Variants in DDX39B observed in about 807,000 individuals in gnomAD.
The protein encoded by DDX39B is DExD-box helicase 39B.
Under a neutral mutation model 46.4 loss-of-function variants are expected in DDX39B, and 6 were observed. That is an observed-to-expected ratio of 0.13 (90% CI 0.07 to 0.26). The LOEUF (loss-of-function observed/expected upper bound fraction) is 0.26. Among genes scored for constraint, DDX39B ranks in the 10% least tolerant of loss-of-function variants. The pLI is 1.00. For synonymous variants in DDX39B, 174 were observed against 199.4 expected (o/e 0.87, Z 1.07); for missense variants, 185 against 553.4 (o/e 0.33, Z 6.68).
rs755961309 is a variant in DDX39B, at chr6:31,531,410, TGTGGG to T, written c.868-10_868-6del. 1.2e-6 allele frequency: 2 copies of T among 1,612,788 alleles called. No homozygotes were observed. Among genetic ancestry groups the T allele is most frequent in the African/African-American group, 1.3e-5 (1 of 74,804 alleles). ...AGACTTCACAAAGATCACCACCTGT[TGTGGG>T]GTGGGGTGGGGGGTCGCAAATTGGG... On this transcript the variant is annotated splice_region_variant and splice_polypyrimidine_tract_variant and intron_variant, in intron 7 of 10. Transcript: ENST00000396172. This position sits in a 1 kb window ranked among gnomAD's most constrained non-coding sequence, Gnocchi z 5.8.
Position 31,536,985 on chromosome 6 carries a change from T to C in DDX39B, c.433-302A>G, listed in dbSNP as rs565429106. Among the ~76,000 whole-genome samples the C allele has an allele frequency of 3.0e-3, 462 of 152,226 alleles. 4 individuals carry two copies. Among genetic ancestry groups the C allele is most frequent in the African/African-American group, 0.011 (438 of 41,528 alleles). On this transcript the variant is annotated intron_variant, in intron 4 of 10. Transcript: ENST00000396172. ...TAAAAAATAAAGGAGCCAGGTGTGG[T>C]GGCACACGCCTATAATTCCAGCTAC...
chr6:31,540,615 G>A lies in DDX39B; in HGVS notation c.-83C>T. 2.3e-6 allele frequency: 3 copies of A among 1,308,306 alleles called. No individual in the cohort carries two copies. Among genetic ancestry groups the A allele is most frequent in the Non-Finnish European group, 3.3e-6 (3 of 922,362 alleles). The allele number at this position is 1,308,306 out of a possible 1,614,324, so 81.0% of individuals were successfully genotyped here. A position where few individuals can be genotyped will look rare whatever the true frequency, so the allele number is the denominator to read the frequency against. On this transcript the variant is annotated 5_prime_UTR_variant, in exon 2 of 11. Transcript: ENST00000396172. ...GTGAAAACAAGGGGTGAAGAGTAGG[G>A]GATTGAGGAACAGCAAAGGAAAACA...
intron 1 of DDX39B, chr6:31,541,123 A>G (rs1307734467): frequency 1.9e-6 from 1 of 533,714 alleles, no homozygotes; most frequent in South Asian, 1.4e-5. Context: ...AGGGTGATAG[A>G]TGAGGGTCAT....
chr6:31,530,559 G>A lies in DDX39B; in HGVS notation c.1271-109C>T. On this transcript the variant is annotated intron_variant, in intron 10 of 10. Transcript: ENST00000396172. This position sits in a 1 kb window ranked among gnomAD's most constrained non-coding sequence, Gnocchi z 4.5. ...GGTGTACTGCCTGGGTTCAGAGGAC[G>A]GACGTGGGGGTGAGGGAAGGGATGT... The A allele has an allele frequency of 6.1e-6, 9 of 1,476,698 alleles. No homozygotes were observed. Among genetic ancestry groups the A allele is most frequent in the East Asian group, 2.3e-5 (1 of 43,936 alleles). 91.5% of individuals were successfully genotyped at this position (1,476,698 alleles called of 1,614,324 possible).
rs1767688618 is a variant in DDX39B, at chr6:31,535,506, A to T, written c.617-21T>A. The T allele has an allele frequency of 1.3e-6, 2 of 1,592,870 alleles. No homozygotes were observed. Among genetic ancestry groups the T allele is most frequent in the African/African-American group, 1.3e-5 (1 of 74,610 alleles). On this transcript the variant is annotated intron_variant, in intron 5 of 10. Transcript: ENST00000396172. The surrounding 1 kb of genome is among the most constrained non-coding windows in gnomAD (Gnocchi z 4.6). ...CATGTCTACAAGAACAAGGAAAAAA[A>T]TTGTAGGAGAAAATAAGCAGGTATG...
In DDX39B at chr6:31,530,675, G is replaced by A; in HGVS notation, c.1270+104C>T. 1 of 1,477,624 alleles carries A rather than the reference G, an allele frequency of 6.8e-7. No homozygotes were observed. 91.5% of individuals were successfully genotyped at this position (1,477,624 alleles called of 1,614,324 possible). A position where few individuals can be genotyped will look rare whatever the true frequency, so the allele number is the denominator to read the frequency against. On this transcript the variant is annotated intron_variant, in intron 10 of 10. Coordinates refer to ENST00000396172, the MANE Select transcript of DDX39B (RefSeq NM_004640.7). The surrounding 1 kb of genome is among the most constrained non-coding windows in gnomAD (Gnocchi z 4.5). ...AGACCAGGGGGCATGAACCAGTCAA[G>A]TGTCCATTATGCATCAGATGCCCAT...
Position 31,530,994 on chromosome 6 carries a change from T to G in DDX39B, c.1122+59A>C, listed in dbSNP as rs1170416833. The G allele has an allele frequency of 1.9e-6, 3 of 1,613,276 alleles. No homozygotes were observed. Among genetic ancestry groups the G allele is most frequent in the African/African-American group, 2.7e-5 (2 of 74,874 alleles). On this transcript the variant is annotated intron_variant, in intron 9 of 10. Transcript: ENST00000396172. The surrounding 1 kb of genome is among the most constrained non-coding windows in gnomAD (Gnocchi z 4.5). ...AGAGACCCAGAGGCAGGAATGAAGA[T>G]GTACAAACAGAAAACAAGGGAATGG...
At chr6:31,533,127 C>T in intron 6 of DDX39B, 1 of 469,128 alleles carries the variant, frequency 2.1e-6, no homozygotes, top group South Asian at 2.1e-5. Context: ...AGTTTTAAGA[C>T]TGCCCAACTA....
chr6:31,540,976 G>A (rs1451966126), intron 1 of DDX39B: 4 of 423,268 alleles, frequency 9.5e-6, no homozygotes, highest in Admixed American at 2.8e-5. Context: ...ATAATAAAAG[G>A]TAAAATACGA....
Position 31,538,766 on chromosome 6 carries a change from G to A in DDX39B, c.429C>T (p.Val143=), listed in dbSNP as rs1279395958. The change falls in exon 4 of 11, where the codon GTC becomes GTT. Residue 143 remains valine, a synonymous_variant. Transcript: ENST00000396172. ...AGGTCTCTTTACCTTGGCTTACCTT[G>A]ACATTGGGCATGTATTTAGAGAAGC... ...YERFSKYMPN[V]KVAVFFGGLS... 2.5e-6 allele frequency: 4 copies of A among 1,612,232 alleles called. No individual in the cohort carries two copies. The African/African-American group carries it at 4.0e-5, about 16-fold the overall frequency.
rs145191873 is a variant in DDX39B at position 31,535,327 on chromosome 6, G to A, written c.735+40C>T. On this transcript the variant is annotated intron_variant, in intron 6 of 10. Transcript: ENST00000396172. The surrounding 1 kb of genome is among the most constrained non-coding windows in gnomAD (Gnocchi z 4.6). ...AGGGCGAGGAAGGGGAGGAGGCAGC[G>A]GGCGGGGAGTGGAGGGAGAGAAGGT... is the stretch of plus-strand genomic sequence containing the variant. 1.1e-4 allele frequency: 177 copies of A among 1,582,080 alleles called. 1 individual carries two copies. In the East Asian group the frequency reaches 2.2e-3, roughly 20 times the overall value.
In DDX39B at chr6:31,530,702, A is replaced by G; in HGVS notation, c.1270+77T>C. ...GTCCATTATGCATCAGATGCCCATG[A>G]CCTATGTGATGGGATTTCGGACAAA... On this transcript the variant is annotated intron_variant, in intron 10 of 10. Transcript: ENST00000396172. The surrounding 1 kb of genome is among the most constrained non-coding windows in gnomAD (Gnocchi z 4.5). The G allele has an allele frequency of 3.8e-6, 6 of 1,559,384 alleles. No homozygotes were observed. Among genetic ancestry groups the G allele is most frequent in the Non-Finnish European group, 5.2e-6 (6 of 1,146,732 alleles).
At position 31,541,460 on chromosome 6, in the gene DDX39B, C is replaced by T. The variant is rs1006906438; in HGVS notation, c.-133+490G>A. 4.5e-5 allele frequency: 17 copies of T among 375,032 alleles called. No individual in the cohort carries two copies. The East Asian group carries it at 1.2e-3, about 28-fold the overall frequency. 23.2% of individuals were successfully genotyped at this position (375,032 alleles called of 1,614,324 possible). A position where few individuals can be genotyped will look rare whatever the true frequency, so the allele number is the denominator to read the frequency against. On this transcript the variant is annotated intron_variant, in intron 1 of 10. Transcript: ENST00000396172. ...CTCCTTTTGGAGAAACATACAATGA[C>T]ACCAATCGTATCGTAAACACTTGGA...
At chr6:31,533,246 AGAT>A (rs2150329996) in intron 6 of DDX39B, 1 of 273,326 alleles carries the variant, frequency 3.7e-6, no homozygotes, top group African/African-American at 2.3e-5. Context: ...AGAAAATGGG[AGAT>A]GATTCTCAAA....
chr6:31,539,090 A>G, intron 3 of DDX39B, 57 bp downstream of exon 3: 3 of 1,613,132 alleles, frequency 1.9e-6, no homozygotes, highest in Admixed American at 1.7e-5. Context: ...GGACAAAAAC[A>G]CCCTTCCCTT....
Position 31,531,376 on chromosome 6 carries a change from C to A in DDX39B, c.897G>T (p.Arg299=), listed in dbSNP as rs752481926. 9 of 1,614,122 alleles carry A rather than the reference C, an allele frequency of 5.6e-6. No individual in the cohort carries two copies. The highest frequency in any genetic ancestry group is 1.7e-5 in the Admixed American group (1 of 60,010). The change falls in exon 8 of 11, where the codon CGG becomes CGT. Residue 299 remains arginine, a synonymous_variant. Transcript: ENST00000396172. The surrounding 1 kb of genome is among the most constrained non-coding windows in gnomAD (Gnocchi z 5.8). The part of the protein sequence containing the change: ...QVVIFVKSVQ[R]CIALAQLLVE... ...CTAGTAGCTGGGCCAAGGCAATGCA[C>A]CGCTGCACAGACTTCACAAAGATCA... is the stretch of plus-strand genomic sequence containing the variant.
chr6:31,532,650 T>G (rs1346572588), intron 7 of DDX39B, 130 bp downstream of exon 7: 1 of 1,238,900 alleles, frequency 8.1e-7, no homozygotes, highest in Non-Finnish European at 1.1e-6. Flanking sequence ...GCCCCTAAGA[T>G]ATTTATACCC....
chr6:31,532,685 A>G, intron 7 of DDX39B, 95 bp downstream of exon 7: 1 of 1,485,152 alleles, frequency 6.7e-7, no homozygotes, highest in Non-Finnish European at 9.3e-7. Flanking sequence ...CACATCACAC[A>G]TGTGATTTCC....
intron 4 of DDX39B, among the ~76,000 whole-genome samples, chr6:31,538,346 G>A (rs1439014429): frequency 6.6e-6 from 1 of 152,020 alleles, no homozygotes; most frequent in East Asian, 1.9e-4. Context: ...AGTAGAGAGA[G>A]GGTTTCATCC....
Sources: allele counts gnomAD v4.1 joint callset (sites outside exome capture counted in the v4.1 genomes callset), GRCh38; gene constraint gnomAD v4.1.1; non-coding constraint Gnocchi (gnomAD v3.1); transcripts MANE v1.5; gene names NCBI Gene and HGNC (gene_info 2026-07-23, HGNC 2026-07-21).